Variants in CSMD1 observed in about 807,000 individuals in gnomAD.
CSMD1 encodes the protein CUB and sushi domain-containing protein 1.
CSMD1 carries 213 observed loss-of-function variants against 417.5 expected under a neutral mutation model. That is an observed-to-expected ratio of 0.51 (90% CI 0.46 to 0.57). The LOEUF is 0.57. Ranked by LOEUF, CSMD1 falls within the 20% of genes least tolerant of loss-of-function variation. The pLI, the probability that CSMD1 is intolerant of heterozygous loss-of-function variation, is 0.00. For missense variants in CSMD1, 6,923 were observed against 4,529.7 expected (o/e 1.53, Z -15.17); for synonymous variants, 2,862 against 1,736.8 (o/e 1.65, Z -16.11).
chr8:4,945,986 G>A (rs1340606660), intron 1 of CSMD1, among the ~76,000 whole-genome samples: 2 of 152,136 alleles, frequency 1.3e-5, no homozygotes, highest in Non-Finnish European at 2.9e-5. Flanking sequence ...CAGAAGACAC[G>A]GTAGAGACCT....
At chr8:4,413,784 A>T (rs1796780389) in intron 3 of CSMD1, among the ~76,000 whole-genome samples, 1 of 152,114 alleles carries the variant, frequency 6.6e-6, no homozygotes, top group African/African-American at 2.4e-5. Context: ...AGATTTCGGT[A>T]GCTTCTGGCA....
intron 3 of CSMD1, among the ~76,000 whole-genome samples, chr8:4,035,344 T>A (rs1363013009): frequency 6.6e-6 from 1 of 152,236 alleles, no homozygotes; most frequent in Admixed American, 6.5e-5. Context: ...GTTTTTCTAC[T>A]TACTATACTA....
At chr8:4,887,738 A>G (rs1423423898) in intron 1 of CSMD1, among the ~76,000 whole-genome samples, 1 of 151,922 alleles carries the variant, frequency 6.6e-6, no homozygotes. Context: ...TACATTTGTT[A>G]TATTTTCCTG....
intron 1 of CSMD1, among the ~76,000 whole-genome samples, chr8:4,980,913 A>C (rs914208181): frequency 6.6e-6 from 1 of 152,142 alleles, no homozygotes; most frequent in East Asian, 1.9e-4. Flanking sequence ...AAAAAAAAAA[A>C]AACTTATTAT....
rs780416370 is a variant in CSMD1 at position 2,998,187 on chromosome 8, G to A, written c.8204-3C>T. On this transcript the variant is annotated splice_polypyrimidine_tract_variant and splice_region_variant and intron_variant, in intron 53 of 69. Transcript: ENST00000635120. ...TCCAGGGTGACCACATGTGATGGCT[G>A]TAGAGAGACAGGTCAACGTCATTGT... 3 of 1,613,628 alleles carry A rather than the reference G, an allele frequency of 1.9e-6. No individual in the cohort carries two copies. Among genetic ancestry groups the A allele is most frequent in the East Asian group, 2.2e-5 (1 of 44,868 alleles).
chr8:4,184,551 G>A (rs138376268), intron 3 of CSMD1, among the ~76,000 whole-genome samples: 1 of 152,072 alleles, frequency 6.6e-6, no homozygotes. Flanking sequence ...ACAAGATTAT[G>A]TCCTTTGCAT....
At chr8:3,641,261 C>T (rs1054617584) in intron 7 of CSMD1, among the ~76,000 whole-genome samples, 1 of 152,100 alleles carries the variant, frequency 6.6e-6, no homozygotes, top group Admixed American at 6.6e-5. Context: ...CTGAGCAAAT[C>T]CAGGGGAGTA....
chr8:4,409,440 AATC>A (rs1303978204), intron 3 of CSMD1, among the ~76,000 whole-genome samples: 1 of 152,180 alleles, frequency 6.6e-6, no homozygotes, highest in Non-Finnish European at 1.5e-5. Context: ...AATAAAAACA[AATC>A]AACAACAAAA....
intron 41 of CSMD1, among the ~76,000 whole-genome samples, chr8:3,138,894 T>C (rs929649022): frequency 6.6e-6 from 1 of 152,102 alleles, no homozygotes; most frequent in Non-Finnish European, 1.5e-5. Flanking sequence ...AAGGAATAAG[T>C]CCGGTCTGCC....
chr8:3,535,151 A>T (rs1005577366), intron 10 of CSMD1, among the ~76,000 whole-genome samples: 1 of 151,860 alleles, frequency 6.6e-6, no homozygotes. Context: ...ACAGGGTCTC[A>T]CCATGGTGCC....
At chr8:4,968,558 AT>A (rs899109652) in intron 1 of CSMD1, among the ~76,000 whole-genome samples, 7 of 151,982 alleles carry the variant, frequency 4.6e-5, no homozygotes, top group Admixed American at 1.3e-4. Context: ...TTTTATATAT[AT>A]TTTTTTCCGG....
chr8:4,677,640 A>G (rs185849973), intron 1 of CSMD1, among the ~76,000 whole-genome samples: 219 of 152,204 alleles, frequency 1.4e-3, no homozygotes, highest in African/African-American at 5.0e-3. Flanking sequence ...TCTTTATGTA[A>G]TCATTAATTA....
chr8:3,750,739 C>T (rs1337102824), intron 6 of CSMD1, among the ~76,000 whole-genome samples: 9 of 152,086 alleles, frequency 5.9e-5, no homozygotes, highest in Admixed American at 2.6e-4. Context: ...AGGACAGCCC[C>T]GTGTGGAGGG....
chr8:3,598,015 T>G (rs1344455806), intron 8 of CSMD1, among the ~76,000 whole-genome samples: 1 of 152,240 alleles, frequency 6.6e-6, no homozygotes, highest in Non-Finnish European at 1.5e-5. Flanking sequence ...ATCTCCTCTC[T>G]TTATCATTTG....
At chr8:4,945,836 C>T (rs1808331859) in intron 1 of CSMD1, among the ~76,000 whole-genome samples, 1 of 152,114 alleles carries the variant, frequency 6.6e-6, no homozygotes, top group Non-Finnish European at 1.5e-5. Context: ...AGTCCAAGGT[C>T]ACGCCTTGCC....
At chr8:4,714,101 T>C (rs1367475620) in intron 1 of CSMD1, among the ~76,000 whole-genome samples, 2 of 151,942 alleles carry the variant, frequency 1.3e-5, no homozygotes, top group African/African-American at 4.8e-5. Context: ...GCCAAGATCA[T>C]GCCATTGCAC....
intron 3 of CSMD1, among the ~76,000 whole-genome samples, chr8:4,398,611 T>C (rs113323061): frequency 6.6e-6 from 1 of 151,858 alleles, no homozygotes; most frequent in Non-Finnish European, 1.5e-5. Flanking sequence ...TAGCCAGGAT[T>C]GTCTCGATCT....
chr8:3,668,632 C>G (rs1369371432), intron 7 of CSMD1, among the ~76,000 whole-genome samples: 1 of 151,996 alleles, frequency 6.6e-6, no homozygotes, highest in African/African-American at 2.4e-5. Context: ...AGAGACGATC[C>G]TGAACAGAGT....
chr8:3,747,845 G>C (rs554764313), intron 6 of CSMD1, among the ~76,000 whole-genome samples: 2 of 152,092 alleles, frequency 1.3e-5, no homozygotes, highest in African/African-American at 2.4e-5. Context: ...CAAGCTGTTT[G>C]TTTTAGTTGC....
Sources: gnomAD v4.1 joint callset for allele counts (sites outside exome capture counted in the v4.1 genomes callset) on GRCh38, gnomAD v4.1.1 for gene constraint, MANE v1.5 for transcripts, NCBI Gene and HGNC (gene_info 2026-07-23, HGNC 2026-07-21) for gene names.